EPHA6: variants seen among roughly 807,000 people sequenced by gnomAD.
EPHA6 encodes the protein EPH receptor A6.
Under a neutral mutation model 112.0 loss-of-function variants are expected in EPHA6, and 50 were observed. The ratio of observed to expected loss-of-function variants is 0.45; its 90% confidence interval spans 0.36 to 0.56. EPHA6 has a LOEUF of 0.56. EPHA6 is among the 20% of genes least tolerant of loss of function. The pLI, the probability that EPHA6 is intolerant of heterozygous loss-of-function variation, is 0.00. For synonymous variants in EPHA6, 529 were observed against 490.7 expected (o/e 1.08, Z -1.03); for missense variants, 1,280 against 1,417.4 (o/e 0.90, Z 1.56).
At chr3:97,203,274 A>T (rs2077627443) in intron 3 of EPHA6, among the ~76,000 whole-genome samples, 1 of 152,130 alleles carries the variant, frequency 6.6e-6, no homozygotes, top group African/African-American at 2.4e-5. Context: ...CAAGCAAGAA[A>T]TCAAGGTAAT....
chr3:97,218,582 C>T (rs761297202), intron 3 of EPHA6, among the ~76,000 whole-genome samples: 16 of 152,210 alleles, frequency 1.1e-4, no homozygotes, highest in Non-Finnish European at 1.5e-4. Flanking sequence ...GGGAAACCAC[C>T]CCCATGATTC....
At chr3:97,186,948 A>T (rs901929979) in intron 3 of EPHA6, among the ~76,000 whole-genome samples, 1 of 152,070 alleles carries the variant, frequency 6.6e-6, no homozygotes, top group African/African-American at 2.4e-5. Flanking sequence ...AGCTCTAATA[A>T]TTATTGTCTT....
At chr3:96,820,385 G>A (rs2033158097) in intron 1 of EPHA6, among the ~76,000 whole-genome samples, 1 of 151,920 alleles carries the variant, frequency 6.6e-6, no homozygotes, top group African/African-American at 2.4e-5. Flanking sequence ...AGTAGAATTG[G>A]GAGTCAGTTG....
intron 5 of EPHA6, among the ~76,000 whole-genome samples, chr3:97,381,388 T>C (rs979788354): frequency 2.6e-5 from 4 of 152,096 alleles, no homozygotes; most frequent in Non-Finnish European, 5.9e-5. Flanking sequence ...ATAGACACTA[T>C]TAGTATTTCC....
chr3:97,547,957 C>T (rs560151544), intron 11 of EPHA6, among the ~76,000 whole-genome samples: 1 of 152,252 alleles, frequency 6.6e-6, no homozygotes, highest in African/African-American at 2.4e-5. Context: ...TTTCCAGGTG[C>T]CGTTTGTCAC....
At position 96,982,832 on chromosome 3, in the gene EPHA6, CTTTG is replaced by C. The variant is rs532699807; in HGVS notation, c.451-4490_451-4487del. Among the ~76,000 whole-genome samples the C allele has an allele frequency of 5.1e-3, 774 of 152,172 alleles. 6 individuals are homozygous for C. Among genetic ancestry groups the C allele is most frequent in the African/African-American group, 0.017 (701 of 41,504 alleles). On this transcript the variant is annotated intron_variant, in intron 2 of 17. Coordinates refer to ENST00000389672, the MANE Select transcript of EPHA6 (RefSeq NM_001080448.3). ...AATGGCCTTCTTTGTGTCTTTTGATCTTTGTTTGTTTAAAGTCTGTTTTATCAGA... is the reference window on the plus strand; with the variant it reads ...AATGGCCTTCTTTGTGTCTTTTGATCTTTGTTTAAAGTCTGTTTTATCAGA...
intron 4 of EPHA6, among the ~76,000 whole-genome samples, chr3:97,230,356 C>CA (rs1220694361): frequency 5.3e-5 from 8 of 152,082 alleles, no homozygotes. Context: ...ATAAGCTTGT[C>CA]AGTCATTTTT....
At chr3:97,132,285 T>C (rs946054169) in intron 3 of EPHA6, among the ~76,000 whole-genome samples, 3 of 152,092 alleles carry the variant, frequency 2.0e-5, no homozygotes, top group Admixed American at 2.0e-4. Flanking sequence ...TGTAGACACA[T>C]ACCGTACTTT....
intron 10 of EPHA6, among the ~76,000 whole-genome samples, chr3:97,531,957 A>G (rs1395749120): frequency 6.6e-6 from 1 of 152,058 alleles, no homozygotes; most frequent in African/African-American, 2.4e-5. Context: ...GATCGAATTA[A>G]CTACACATTC....
chr3:97,069,615 A>G (rs2046290992), intron 3 of EPHA6, among the ~76,000 whole-genome samples: 1 of 152,170 alleles, frequency 6.6e-6, no homozygotes. Flanking sequence ...AATTCCATTG[A>G]AAGATTCACC....
At chr3:97,058,433 GA>G (rs1466785674) in intron 3 of EPHA6, among the ~76,000 whole-genome samples, 2 of 152,054 alleles carry the variant, frequency 1.3e-5, no homozygotes, top group Non-Finnish European at 2.9e-5. Flanking sequence ...AAGTATCTGG[GA>G]CTACAGGCAG....
intron 5 of EPHA6, among the ~76,000 whole-genome samples, chr3:97,251,859 A>G (rs774807731): frequency 1.3e-5 from 2 of 152,232 alleles, no homozygotes. Context: ...ACTAAAATAC[A>G]GTGCTCTTTC....
intron 3 of EPHA6, among the ~76,000 whole-genome samples, chr3:97,006,614 T>C (rs565475395): frequency 3.3e-5 from 5 of 152,036 alleles, no homozygotes; most frequent in African/African-American, 4.8e-5. Flanking sequence ...TTTCAGTTCT[T>C]CTCTGGTCTT....
Position 97,464,718 on chromosome 3 carries a change from G to A in EPHA6, c.1895-10634G>A, listed in dbSNP as rs62262774. Among the ~76,000 whole-genome samples, 1,136 of 152,134 alleles carry A rather than the reference G, an allele frequency of 7.5e-3. 9 individuals are homozygous for A. Among genetic ancestry groups the A allele is most frequent in the Middle Eastern group, 0.041 (12 of 294 alleles). On this transcript the variant is annotated intron_variant, in intron 7 of 17. Transcript: ENST00000389672. ...GTTGCAAGTCATCAAAAAGAAACCC[G>A]AGGAGTAATGCTCCCATGGAAAAAG...
rs80242209 is a variant in EPHA6, at chr3:97,698,410, GT to G, written c.2785-21839del. Reference sequence around the variant, plus strand: ...TCACAATCTATTTCTTGAATTAAAGGTTTTTTTTTTTTGTAAAACCGTATTT... The same window carrying G: ...TCACAATCTATTTCTTGAATTAAAGGTTTTTTTTTTTGTAAAACCGTATTT... On this transcript the variant is annotated intron_variant, in intron 14 of 17. Coordinates refer to ENST00000389672, the MANE Select transcript of EPHA6 (RefSeq NM_001080448.3). 1.7e-3 allele frequency among the ~76,000 whole-genome samples: 241 copies of G among 144,768 alleles called. 1 individual carries two copies. The highest frequency in any genetic ancestry group is 4.0e-3 in the African/African-American group (159 of 39,830). 95.0% of individuals were successfully genotyped at this position (144,768 alleles called of 152,430 possible). A position where few individuals can be genotyped will look rare whatever the true frequency, so the allele number is the denominator to read the frequency against.
At chr3:97,189,046 G>T (rs1222728477) in intron 3 of EPHA6, among the ~76,000 whole-genome samples, 1 of 151,828 alleles carries the variant, frequency 6.6e-6, no homozygotes. Flanking sequence ...TGAAAGCTCA[G>T]CAATGGTGAT....
chr3:97,643,488 C>T (rs1428991650), intron 14 of EPHA6, among the ~76,000 whole-genome samples: 1 of 149,316 alleles, frequency 6.7e-6, no homozygotes, highest in Non-Finnish European at 1.5e-5. Flanking sequence ...TTAAAAGACA[C>T]AGACTGGCAA....
intron 1 of EPHA6, among the ~76,000 whole-genome samples, chr3:96,850,986 A>G (rs183966206): frequency 5.3e-5 from 8 of 152,278 alleles, no homozygotes; most frequent in Admixed American, 3.9e-4. Context: ...ATCACTTAGT[A>G]TAATCAAATA....
At chr3:97,068,221 A>G (rs1170976871) in intron 3 of EPHA6, among the ~76,000 whole-genome samples, 2 of 151,706 alleles carry the variant, frequency 1.3e-5, no homozygotes, top group East Asian at 3.9e-4. Flanking sequence ...TTGGTTGTTT[A>G]ATGGTGGAAA....
Sources: gnomAD v4.1 joint callset for allele counts (sites outside exome capture counted in the v4.1 genomes callset) on GRCh38, gnomAD v4.1.1 for gene constraint, MANE v1.5 for transcripts, NCBI Gene and HGNC (gene_info 2026-07-23, HGNC 2026-07-21) for gene names.